SHROOM4: variants seen among roughly 807,000 people sequenced by gnomAD.
The protein encoded by SHROOM4 is protein Shroom4.
In SHROOM4, 17 loss-of-function variants were observed where a neutral mutation model predicts 80.3. The ratio of observed to expected loss-of-function variants is 0.21; its 90% CI spans 0.14 to 0.32. The LOEUF (loss-of-function observed/expected upper bound fraction) is 0.32, where lower values mean the gene tolerates loss of function less well. SHROOM4 is among the 10% of genes least tolerant of loss of function. The pLI is 1.00. For synonymous variants in SHROOM4, 400 were observed against 437.5 expected, an observed-to-expected ratio of 0.91 and a Z score of 1.07; for missense variants, 993 against 1,140.3, an observed-to-expected ratio of 0.87 and a Z score of 1.86.
At chrX:50,644,279 C>A (rs1931736947) in intron 2 of SHROOM4, among the ~76,000 whole-genome samples, 1 of 112,038 alleles carries the variant, frequency 8.9e-6, no homozygotes, top group African/African-American at 3.2e-5. Flanking sequence ...CTGGATTTGC[C>A]ATGAATTCAC....
At chrX:50,723,393 G>GGAGGGAGAGAGAGAGAGAGAGAGAGA (rs1557265630) in intron 1 of SHROOM4, among the ~76,000 whole-genome samples, 1 of 54,479 alleles carries the variant, frequency 1.8e-5, no homozygotes, top group African/African-American at 6.6e-5. Flanking sequence ...AGCAAGGGAG[G>GGAGGGAGAGAGAGAGAGAGAGAGAGA]GAGAGAGAGA....
chrX:50,804,901 C>A (rs781838301), intron 1 of SHROOM4, among the ~76,000 whole-genome samples: 1 of 110,544 alleles, frequency 9.0e-6, no homozygotes, highest in South Asian at 3.9e-4. Context: ...TTGTCTTGAT[C>A]CTTCCTGATC....
rs782811760 is a variant in SHROOM4 at position 50,633,901 on chromosome X, A to T, written c.2172T>A (p.Gly724=). The T allele has an allele frequency of 5.8e-6, 7 of 1,210,962 alleles. No individual in the cohort carries two copies. The South Asian group carries it at 1.2e-4, about 21-fold the overall frequency. ...TATGCTCTGGAGACCATCTCCAATG[A>T]CCTCCACGGACTCCACAGTGAGCAT... ...KAHAHCGVRG[G]HWRWSPEHNS... is the part of the protein sequence containing the mutation. The change falls in exon 4 of 9, where the codon GGT becomes GGA. Residue 724 remains glycine, a synonymous_variant. Coordinates refer to ENST00000376020, the MANE Select transcript of SHROOM4 (RefSeq NM_020717.5).
intron 1 of SHROOM4, among the ~76,000 whole-genome samples, chrX:50,813,160 T>TGGCGGCGGCGGCGGCGGCGGCGGCGGC (rs781798597): frequency 3.9e-5 from 4 of 101,999 alleles, no homozygotes; most frequent in African/African-American, 1.1e-4. Context: ...GCGGCGGCAG[T>TGGCGGCGGCGGCGGCGGCGGCGGCGGC]GGCGGCGGCG....
chrX:50,796,129 G>A (rs782687503), intron 1 of SHROOM4, among the ~76,000 whole-genome samples: 33 of 111,405 alleles, frequency 3.0e-4, no homozygotes, highest in African/African-American at 1.0e-3. Flanking sequence ...TGTGGTAGGA[G>A]ATATAGAACA....
Position 50,627,603 on chromosome X carries a change from C to T in SHROOM4, c.2957+11G>A, listed in dbSNP as rs199925538. The T allele has an allele frequency of 2.5e-6, 3 of 1,204,190 alleles. No individual in the cohort carries two copies. Among genetic ancestry groups the T allele is most frequent in the African/African-American group, 1.8e-5 (1 of 56,923 alleles). On this transcript the variant is annotated intron_variant, in intron 5 of 8. Coordinates refer to ENST00000376020, the MANE Select transcript of SHROOM4 (RefSeq NM_020717.5). ...CACCAACCCACCCCAACTCCCTGAG[C>T]GCTCACTTACCTCCCTGACTGGCTG...
chrX:50,725,745 T>C (rs563763425), intron 1 of SHROOM4, among the ~76,000 whole-genome samples: 2 of 112,738 alleles, frequency 1.8e-5, no homozygotes, highest in African/African-American at 6.4e-5. Flanking sequence ...CAATTAAACC[T>C]TTCTTCTTCA....
intron 5 of SHROOM4, among the ~76,000 whole-genome samples, chrX:50,621,450 C>A (rs1930569427): frequency 8.9e-6 from 1 of 112,027 alleles, no homozygotes; most frequent in Non-Finnish European, 1.9e-5. Flanking sequence ...ATAAATTTTA[C>A]TATAAATTTG....
chrX:50,631,432 T>C (rs1470092535), intron 4 of SHROOM4, among the ~76,000 whole-genome samples: 1 of 111,821 alleles, frequency 8.9e-6, no homozygotes, highest in Non-Finnish European at 1.9e-5. Flanking sequence ...ACAGCTAACA[T>C]CAAACTTTAT....
intron 1 of SHROOM4, among the ~76,000 whole-genome samples, chrX:50,759,939 A>C (rs1557268714): frequency 1.8e-5 from 2 of 111,669 alleles, no homozygotes; most frequent in South Asian, 3.7e-4. Context: ...TATGATTTCT[A>C]TTCTTTTAAG....
chrX:50,716,214 G>A (rs1346537591), intron 1 of SHROOM4, among the ~76,000 whole-genome samples: 1 of 107,889 alleles, frequency 9.3e-6, no homozygotes, highest in African/African-American at 3.4e-5. Context: ...TAGGGGGAAG[G>A]GGGTTTGGGG....
At chrX:50,699,019 C>T (rs782002081) in intron 1 of SHROOM4, among the ~76,000 whole-genome samples, 16 of 112,167 alleles carry the variant, frequency 1.4e-4, no homozygotes, top group African/African-American at 4.9e-4. Context: ...TGATGCTATC[C>T]ATTCAGTAAG....
At chrX:50,669,773 ACT>A (rs1481464985) in intron 2 of SHROOM4, among the ~76,000 whole-genome samples, 5 of 111,469 alleles carry the variant, frequency 4.5e-5, no homozygotes, top group African/African-American at 1.6e-4. Context: ...ATAAGAAGCA[ACT>A]CCTTGTCTGT....
At chrX:50,812,135 G>A (rs988642682) in intron 1 of SHROOM4, among the ~76,000 whole-genome samples, 1 of 108,266 alleles carries the variant, frequency 9.2e-6, no homozygotes, top group Non-Finnish European at 1.9e-5. Context: ...AGGTTGTCTA[G>A]GCAGACTGTG....
At chrX:50,577,388 C>G in the SHROOM4 span, among the ~76,000 whole-genome samples, 1 of 112,353 alleles carries the variant, frequency 8.9e-6, no homozygotes, top group Non-Finnish European at 1.9e-5. Flanking sequence ...GCAAAATAAA[C>G]AGCCAATTGC....
In SHROOM4 at chrX:50,602,582, T is replaced by C. The variant is rs184657304; in HGVS notation, c.3942+51A>G. On this transcript the variant is annotated intron_variant, in intron 7 of 8. Transcript: ENST00000376020. ...TGTAGAAGGCTGGTCATCCTCCAGA[T>C]ACATTCAAGCTAAATTCTGAAAATC... is the stretch of plus-strand genomic sequence containing the variant. The C allele has an allele frequency of 3.5e-6, 4 of 1,147,156 alleles. No homozygotes were observed. The Admixed American group carries it at 8.8e-5, about 25-fold the overall frequency. 94.5% of individuals were successfully genotyped at this position (1,147,156 alleles called of 1,213,427 possible).
intron 1 of SHROOM4, among the ~76,000 whole-genome samples, chrX:50,790,498 G>C (rs782301943): frequency 9.0e-6 from 1 of 110,966 alleles, no homozygotes; most frequent in Non-Finnish European, 1.9e-5. Flanking sequence ...TACAAAAAAA[G>C]AAAACTAAAG....
In SHROOM4 at chrX:50,621,428, T is replaced by C. The variant is rs782423989; in HGVS notation, c.2957+6186A>G. ...CTCTTTGGTATTTCCGCCCACTTAC[T>C]TATTCTTCCAGATAAATTTTACTAT... On this transcript the variant is annotated intron_variant, in intron 5 of 8. Transcript: ENST00000376020. Among the ~76,000 whole-genome samples the C allele has an allele frequency of 9.8e-5, 11 of 112,106 alleles. No individual in the cohort carries two copies. The East Asian group carries it at 1.1e-3, about 11-fold the overall frequency.
intron 1 of SHROOM4, among the ~76,000 whole-genome samples, chrX:50,774,924 C>G (rs781818383): frequency 8.9e-6 from 1 of 112,009 alleles, no homozygotes; most frequent in South Asian, 3.7e-4. Flanking sequence ...AACACAAAAA[C>G]TGATATTTCT....
Sources: gnomAD v4.1 joint callset for allele counts (sites outside exome capture counted in the v4.1 genomes callset) on GRCh38, gnomAD v4.1.1 for gene constraint, MANE v1.5 for transcripts, NCBI Gene and HGNC (gene_info 2026-07-23, HGNC 2026-07-21) for gene names.